Variants in G6PC2 observed in about 807,000 individuals in gnomAD.
The protein encoded by G6PC2 is glucose-6-phosphatase 2.
Under a neutral mutation model 35.4 loss-of-function variants are expected in G6PC2, and 41 were observed. That is an observed-to-expected ratio of 1.16 (90% CI 0.90 to 1.50). The LOEUF (loss-of-function observed/expected upper bound fraction) is 1.50, where lower values mean the gene tolerates loss of function less well. G6PC2 is among the 40% of genes most tolerant of loss of function. The pLI is 0.00. For missense variants in G6PC2, 441 were observed against 426.5 expected (o/e 1.03, Z -0.30); for synonymous variants, 165 against 153.2 (o/e 1.08, Z -0.57).
rs10199896 is a variant in G6PC2 at position 168,909,965 on chromosome 2, A to G, written c.*1886A>G. The G allele has an allele frequency of 6.6e-6, 1 of 152,166 alleles. No homozygotes were observed. The highest frequency in any genetic ancestry group is 2.4e-5 in the African/African-American group (1 of 41,404). The allele number at this position is 152,166 out of a possible 1,614,324, so 9.4% of individuals were successfully genotyped here. ...AGCTTTCTTTCTAAAAGGCAACTGA[A>G]CTTTCTAAAAGGTAAATAAACTGAA... On this transcript the variant is annotated 3_prime_UTR_variant, in exon 5 of 5. Transcript: ENST00000375363.
At chr2:168,902,616 G>T (rs934359638) in intron 2 of G6PC2, 62 bp downstream of exon 2, 3 of 799,092 alleles carry the variant, frequency 3.8e-6, no homozygotes, top group Admixed American at 1.7e-5. Flanking sequence ...ATTACACAGG[G>T]TTATCATCTA....
At chr2:168,903,258 C>G (rs1431893379) in intron 2 of G6PC2, among the ~76,000 whole-genome samples, 1 of 152,146 alleles carries the variant, frequency 6.6e-6, no homozygotes, top group Non-Finnish European at 1.5e-5. Context: ...TTTTACATAG[C>G]ATAACATTCT....
intron 2 of G6PC2, among the ~76,000 whole-genome samples, chr2:168,904,138 A>G (rs996754290): frequency 6.6e-6 from 1 of 152,004 alleles, no homozygotes; most frequent in Non-Finnish European, 1.5e-5. Context: ...AAAAACCGCA[A>G]TTACTCTTGC....
intron 1 of G6PC2, among the ~76,000 whole-genome samples, chr2:168,902,223 C>T (rs532729967): frequency 1.3e-5 from 2 of 152,254 alleles, no homozygotes; most frequent in Non-Finnish European, 2.9e-5. Flanking sequence ...AAAAAAGCCC[C>T]CATGTTCATG....
chr2:168,903,140 A>G (rs1268824074), intron 2 of G6PC2: 3 of 152,926 alleles, frequency 2.0e-5, no homozygotes, highest in Admixed American at 1.3e-4. Context: ...TGAGTATAAA[A>G]TCTTTATTGT....
Position 168,908,514 on chromosome 2 carries a change from A to G in G6PC2, c.*435A>G, listed in dbSNP as rs1690780291. 1 of 229,454 alleles carries G rather than the reference A, an allele frequency of 4.4e-6. No homozygotes were observed. Among genetic ancestry groups the G allele is most frequent in the African/African-American group, 2.3e-5 (1 of 43,396 alleles). The allele number at this position is 229,454 out of a possible 1,614,324, so 14.2% of individuals were successfully genotyped here. A position where few individuals can be genotyped will look rare whatever the true frequency, so the allele number is the denominator to read the frequency against. On this transcript the variant is annotated 3_prime_UTR_variant, in exon 5 of 5. Coordinates refer to ENST00000375363, the MANE Select transcript of G6PC2 (RefSeq NM_021176.3). ...TGCATCTGATTCCTGTTGACATTTT[A>G]GTGGGGACCACAGCCATATCCAGTT...
At chr2:168,902,197 A>G (rs1690612657) in intron 1 of G6PC2, among the ~76,000 whole-genome samples, 1 of 152,204 alleles carries the variant, frequency 6.6e-6, no homozygotes, top group Non-Finnish European at 1.5e-5. Flanking sequence ...CACCCATAAG[A>G]CATTCCCTGC....
chr2:168,906,648 T>A lies in G6PC2; in HGVS notation c.441-16T>A. 1 of 1,267,160 alleles carries A rather than the reference T, an allele frequency of 7.9e-7. No homozygotes were observed. The highest frequency in any genetic ancestry group is 1.2e-6 in the Non-Finnish European group (1 of 863,078). 78.5% of individuals were successfully genotyped at this position (1,267,160 alleles called of 1,614,324 possible). ...TTTCTTTGCTTTTTATGCTTGTATC[T>A]ATTCTTCCATCGTAGACTGACCTGG... On this transcript the variant is annotated splice_polypyrimidine_tract_variant and intron_variant, in intron 3 of 4. Transcript: ENST00000375363.
Position 168,907,860 on chromosome 2 carries a change from A to C in G6PC2, c.849A>C (p.Arg283=). ...INSEMFLLSC[R]GGNNYTLSFR... is the part of the protein sequence containing the mutation. ...CAGAGATGTTCCTCCTGAGCTGCCG[A>C]GGGGGAAATAACTACACACTGAGCT... Residue 283 remains arginine (R), a synonymous_variant, in exon 5 of 5, where the codon CGA becomes CGC. Coordinates refer to ENST00000375363, the MANE Select transcript of G6PC2 (RefSeq NM_021176.3). The C allele has an allele frequency of 6.2e-7, 1 of 1,613,914 alleles. No individual in the cohort carries two copies. Among genetic ancestry groups the C allele is most frequent in the Non-Finnish European group, 8.5e-7 (1 of 1,179,868 alleles).
Position 168,907,769 on chromosome 2 carries a change from C to T in G6PC2, c.758C>T (p.Thr253Ile). ...CANPDWIHID[T>I]TPFAGLVRNL... ...AACCCCGACTGGATCCACATTGACA[C>T]CACGCCTTTTGCTGGACTCGTGAGA... The change falls in exon 5 of 5, where the codon ACC (threonine) becomes ATC (isoleucine). Residue 253 changes from threonine (T) to isoleucine (I), a missense_variant. Physicochemically the swap from Thr to Ile is moderately conservative, Grantham distance 89. Coordinates refer to ENST00000375363, the MANE Select transcript of G6PC2 (RefSeq NM_021176.3). 1.2e-6 allele frequency: 2 copies of T among 1,614,098 alleles called. No homozygotes were observed. The highest frequency in any genetic ancestry group is 1.7e-6 in the Non-Finnish European group (2 of 1,179,996).
At position 168,907,843 on chromosome 2, in the gene G6PC2, T is replaced by G. The variant is rs1690749643; in HGVS notation, c.832T>G (p.Phe278Val). ...GLGFAINSEMFLLSCRGGNNY... is the reference protein window; with the variant it reads ...GLGFAINSEMVLLSCRGGNNY... ...GGGCTTTGCAATCAACTCAGAGATG[T>G]TCCTCCTGAGCTGCCGAGGGGGAAA... Residue 278 changes from phenylalanine to valine, a missense_variant, in exon 5 of 5, where the codon TTC becomes GTC. Physicochemically the swap from Phe to Val is conservative, Grantham distance 50. Coordinates refer to ENST00000375363, the MANE Select transcript of G6PC2 (RefSeq NM_021176.3). 4 of 1,614,074 alleles carry G rather than the reference T, an allele frequency of 2.5e-6. No homozygotes were observed. The East Asian group carries it at 8.9e-5, about 36-fold the overall frequency.
chr2:168,901,696 T>C (rs544000668), intron 1 of G6PC2, 147 bp downstream of exon 1: 3 of 644,654 alleles, frequency 4.7e-6, no homozygotes, highest in South Asian at 3.6e-5. Flanking sequence ...GATTCATAAG[T>C]AGAACTTTTA....
chr2:168,901,548 T>A lies in G6PC2; in HGVS notation c.217T>A (p.Trp73Arg). The change falls in exon 1 of 5, where the codon TGG (tryptophan) becomes AGG (arginine). Residue 73 changes from tryptophan to arginine, a missense_variant and splice_region_variant. Coordinates refer to ENST00000375363, the MANE Select transcript of G6PC2 (RefSeq NM_021176.3). ...IGDWLNLIFKWILFGHRPYWW... is the reference protein window; with the variant it reads ...IGDWLNLIFKRILFGHRPYWW... ...GGATTGGTTAAATCTTATATTTAAA[T>A]GGTAAGATTTCTGTTTTATTTCATT... 1 of 1,414,228 alleles carries A rather than the reference T, an allele frequency of 7.1e-7. No individual in the cohort carries two copies. The highest frequency in any genetic ancestry group is 1.0e-6 in the Non-Finnish European group (1 of 999,032). The allele number at this position is 1,414,228 out of a possible 1,614,324, so 87.6% of individuals were successfully genotyped here.
At chr2:168,903,904 GTT>G (rs1281289194) in intron 2 of G6PC2, among the ~76,000 whole-genome samples, 1 of 152,054 alleles carries the variant, frequency 6.6e-6, no homozygotes, top group Admixed American at 6.6e-5. Flanking sequence ...CTCATCCTCT[GTT>G]TTAAAACAAA....
chr2:168,902,474 G>A lies in G6PC2; in HGVS notation c.248G>A (p.Trp83Ter), dbSNP rs756984705. Residue 83 changes from tryptophan to a stop codon, truncating the protein, a stop_gained, in exon 2 of 5, where the codon TGG becomes TAG. Transcript: ENST00000375363. LOFTEE classifies it high-confidence loss of function. ...TTATTTGGTCATCGACCTTACTGGT[G>A]GGTCCAAGAAACTCAGATTTACCCA... is the stretch of plus-strand genomic sequence containing the variant. ...WILFGHRPYW[W>*]VQETQIYPNH... 35 of 1,542,820 alleles carry A rather than the reference G, an allele frequency of 2.3e-5. No individual in the cohort carries two copies. Among genetic ancestry groups the A allele is most frequent in the Non-Finnish European group, 2.8e-5 (31 of 1,115,166 alleles).
At position 168,906,165 on chromosome 2, in the gene G6PC2, C is replaced by T. The variant is rs546245447; in HGVS notation, c.441-499C>T. Among the ~76,000 whole-genome samples the T allele has an allele frequency of 3.3e-5, 5 of 149,602 alleles. 1 individual carries two copies. The highest frequency in any genetic ancestry group is 2.1e-4 in the South Asian group (1 of 4,734). On this transcript the variant is annotated intron_variant, in intron 3 of 4. Transcript: ENST00000375363. ...ACTTTTGAAAATCTGTGCAATTAAA[C>T]CCAATGAAAAAATTTGCCCCAGATG... is the stretch of plus-strand genomic sequence containing the variant.
chr2:168,908,060 G>T lies in G6PC2; in HGVS notation c.1049G>T (p.Ser350Ile). The T allele has an allele frequency of 1.2e-6, 2 of 1,613,380 alleles. No individual in the cohort carries two copies. Among genetic ancestry groups the T allele is most frequent in the Non-Finnish European group, 8.5e-7 (1 of 1,179,696 alleles). ...TCTGTTCATATGTTAATGAAACAAA[G>T]CGGAAAGAAGAGTCAGTAGAGTGGT... ...PYSVHMLMKQSGKKSQ is the reference protein window; with the variant it reads ...PYSVHMLMKQIGKKSQ The change falls in exon 5 of 5, where the codon AGC becomes ATC. Residue 350 changes from serine to isoleucine, a missense_variant. Ser to Ile is a moderately radical substitution (Grantham distance 142). Transcript: ENST00000375363.
chr2:168,902,503 C>CACTCAAGT lies in G6PC2; in HGVS notation c.278_285dup (p.Pro96ThrfsTer35). The CACTCAAGT allele has an allele frequency of 6.3e-7, 1 of 1,587,674 alleles. No individual in the cohort carries two copies. The highest frequency in any genetic ancestry group is 8.7e-7 in the Non-Finnish European group (1 of 1,155,940). On this transcript the variant is annotated frameshift_variant, in exon 2 of 5. Coordinates refer to ENST00000375363, the MANE Select transcript of G6PC2 (RefSeq NM_021176.3). LOFTEE classifies it high-confidence loss of function. ...CCAAGAAACTCAGATTTACCCAAAT[C>CACTCAAGT]ACTCAAGTCCATGCCTTGAACAGTT...
intron 1 of G6PC2, 114 bp downstream of exon 1, chr2:168,901,663 A>C (rs1380515203): frequency 1.2e-5 from 8 of 684,884 alleles, no homozygotes; most frequent in Non-Finnish European, 2.1e-5. Flanking sequence ...TCTTTCAAAA[A>C]TACCAGGTAA....
Sources: gnomAD v4.1 joint callset for allele counts (sites outside exome capture counted in the v4.1 genomes callset) on GRCh38, gnomAD v4.1.1 for gene constraint, MANE v1.5 for transcripts, NCBI Gene and HGNC (gene_info 2026-07-23, HGNC 2026-07-21) for gene names.